The following ARHGAP24 variants were observed in gnomAD, a reference collection of about 807,000 sequenced individuals.
ARHGAP24 encodes the protein rho GTPase-activating protein 24.
ARHGAP24 carries 50 observed loss-of-function variants against 76.4 expected under a neutral mutation model. The observed-to-expected ratio is 0.65, with a 90% CI of 0.52 to 0.83. ARHGAP24 has a LOEUF of 0.83. Ranked by LOEUF, ARHGAP24 falls within the 40% of genes least tolerant of loss-of-function variation. The pLI, the probability that ARHGAP24 is intolerant of heterozygous loss-of-function variation, is 0.00. For missense variants in ARHGAP24, 930 were observed against 914.2 expected, an observed-to-expected ratio of 1.02 and a Z score of -0.22; for synonymous variants, 345 against 323.3, an observed-to-expected ratio of 1.07 and a Z score of -0.72.
intron 4 of ARHGAP24, among the ~76,000 whole-genome samples, chr4:85,939,758 C>T (rs1372513165): frequency 2.0e-5 from 3 of 151,934 alleles, no homozygotes; most frequent in East Asian, 3.9e-4. Context: ...TTTTCATTAC[C>T]GTACAAACCC....
chr4:85,872,281 C>T (rs1010617486), intron 3 of ARHGAP24, among the ~76,000 whole-genome samples: 6 of 151,780 alleles, frequency 4.0e-5, no homozygotes, highest in African/African-American at 1.5e-4. Context: ...ATAGAAATCA[C>T]TGAGTTTTAA....
At chr4:85,660,100 CTT>C (rs920697935) in intron 2 of ARHGAP24, among the ~76,000 whole-genome samples, 1 of 152,096 alleles carries the variant, frequency 6.6e-6, no homozygotes, top group African/African-American at 2.4e-5. Flanking sequence ...ATTTTAAAGT[CTT>C]TTAACTTTGC....
chr4:85,665,497 G>A (rs977106150), intron 2 of ARHGAP24, among the ~76,000 whole-genome samples: 91 of 152,262 alleles, frequency 6.0e-4, no homozygotes, highest in Non-Finnish European at 1.0e-3. Context: ...TTTAATTGGA[G>A]CATTTAGTCC....
intron 2 of ARHGAP24, among the ~76,000 whole-genome samples, chr4:85,617,042 T>C (rs1720563934): frequency 6.7e-6 from 1 of 148,854 alleles, no homozygotes; most frequent in Non-Finnish European, 1.5e-5. Context: ...CATGTATCTA[T>C]ATATTTAACA....
chr4:85,733,060 C>CTTTTTTTTTTTTT (rs1210109366), intron 3 of ARHGAP24, among the ~76,000 whole-genome samples: 1,910 of 55,192 alleles, frequency 0.035, 573 homozygotes, highest in African/African-American at 0.055. Context: ...GCCTCACCAA[C>CTTTTTTTTTTTTT]TTTTTTTTTT....
chr4:85,595,964 C>T (rs1301902052), intron 2 of ARHGAP24, among the ~76,000 whole-genome samples: 2 of 152,032 alleles, frequency 1.3e-5, no homozygotes, highest in Non-Finnish European at 2.9e-5. Context: ...ACTGACTCTG[C>T]TCCAATCTCC....
chr4:85,523,824 T>C (rs914593336), intron 1 of ARHGAP24, among the ~76,000 whole-genome samples: 3 of 144,258 alleles, frequency 2.1e-5, no homozygotes, highest in Non-Finnish European at 2.9e-5. Flanking sequence ...GAAGGTTCCT[T>C]GGTTAAAAAA....
At chr4:85,851,515 C>T (rs957943664) in intron 3 of ARHGAP24, among the ~76,000 whole-genome samples, 6 of 152,248 alleles carry the variant, frequency 3.9e-5, no homozygotes, top group East Asian at 1.9e-4. Flanking sequence ...TTGTTTTGCT[C>T]ATTAGTTGAT....
At chr4:85,518,848 GAAT>G (rs1724625182) in intron 1 of ARHGAP24, among the ~76,000 whole-genome samples, 1 of 152,068 alleles carries the variant, frequency 6.6e-6, no homozygotes, top group Admixed American at 6.6e-5. Flanking sequence ...TAAGTTTTTC[GAAT>G]AATGACTTCT....
chr4:85,925,031 T>A (rs1278045061), intron 4 of ARHGAP24, among the ~76,000 whole-genome samples: 2 of 152,194 alleles, frequency 1.3e-5, no homozygotes, highest in African/African-American at 2.4e-5. Context: ...AGTGACTATG[T>A]AAAATATTTG....
intron 2 of ARHGAP24, among the ~76,000 whole-genome samples, chr4:85,697,286 G>A (rs1183661345): frequency 6.6e-6 from 1 of 152,096 alleles, no homozygotes; most frequent in African/African-American, 2.4e-5. Flanking sequence ...ATCTAGTTGT[G>A]CACAGATAAT....
At chr4:85,628,120 C>T (rs1314334186) in intron 2 of ARHGAP24, among the ~76,000 whole-genome samples, 1 of 152,148 alleles carries the variant, frequency 6.6e-6, no homozygotes, top group Non-Finnish European at 1.5e-5. Context: ...GTGAGATGAA[C>T]CCGGTACCTC....
intron 1 of ARHGAP24, among the ~76,000 whole-genome samples, chr4:85,486,515 G>C (rs1723055254): frequency 6.6e-6 from 1 of 152,174 alleles, no homozygotes; most frequent in Admixed American, 6.5e-5. Context: ...ACTTTCTGCT[G>C]TTTCAGTAAA....
chr4:85,660,563 T>A (rs891020958), intron 2 of ARHGAP24, among the ~76,000 whole-genome samples: 2 of 151,934 alleles, frequency 1.3e-5, no homozygotes, highest in African/African-American at 4.8e-5. Flanking sequence ...TTTGGGAGGC[T>A]GAGGCAGGTG....
At chr4:85,492,846 G>T (rs765029341) in intron 1 of ARHGAP24, among the ~76,000 whole-genome samples, 2 of 152,120 alleles carry the variant, frequency 1.3e-5, no homozygotes, top group Non-Finnish European at 2.9e-5. Flanking sequence ...CTAATCTGTA[G>T]TTGTTATTCA....
intron 1 of ARHGAP24, among the ~76,000 whole-genome samples, chr4:85,512,842 A>G (rs906475401): frequency 6.6e-6 from 1 of 152,210 alleles, no homozygotes; most frequent in African/African-American, 2.4e-5. Flanking sequence ...ATTATTTCCT[A>G]TTGTTAAAAA....
At chr4:85,872,045 G>A (rs917547406) in intron 3 of ARHGAP24, among the ~76,000 whole-genome samples, 7 of 151,242 alleles carry the variant, frequency 4.6e-5, no homozygotes, top group Non-Finnish European at 1.0e-4. Flanking sequence ...ACTTATCAAT[G>A]TACCCACAGT....
At chr4:85,952,408 A>G (rs1737665155) in intron 5 of ARHGAP24, among the ~76,000 whole-genome samples, 1 of 152,204 alleles carries the variant, frequency 6.6e-6, no homozygotes, top group Admixed American at 6.5e-5. Context: ...GCTGAAGAGC[A>G]TGTATTCATA....
intron 3 of ARHGAP24, among the ~76,000 whole-genome samples, chr4:85,859,830 C>G (rs1188605986): frequency 1.3e-5 from 2 of 152,040 alleles, no homozygotes; most frequent in African/African-American, 4.8e-5. Context: ...AAATGACAGC[C>G]TTTCCTTTTG....
Sources: allele counts gnomAD v4.1 joint callset (sites outside exome capture counted in the v4.1 genomes callset), GRCh38; gene constraint gnomAD v4.1.1; transcripts MANE v1.5; gene names NCBI Gene and HGNC (gene_info 2026-07-23, HGNC 2026-07-21).